FMN1: variants seen among roughly 807,000 people sequenced by gnomAD.
FMN1 encodes formin 1, also known as formin-1.
A neutral mutation model predicts 132.4 loss-of-function variants in FMN1; 110 were observed. The observed-to-expected ratio is 0.83, with a 90% confidence interval of 0.71 to 0.97. FMN1 has a LOEUF of 0.97. Among genes scored for constraint, FMN1 ranks in the 50% least tolerant of loss-of-function variants. The probability of loss-of-function intolerance (pLI) is 0.00; values close to 1 mark genes in which losing one functional copy is unlikely to be tolerated. For synonymous variants in FMN1, 722 were observed against 651.7 expected (o/e 1.11, Z -1.64); for missense variants, 1,792 against 1,705.3 (o/e 1.05, Z -0.90).
intron 3 of FMN1, among the ~76,000 whole-genome samples, chr15:33,167,371 C>T (rs1452677277): frequency 4.6e-5 from 7 of 152,186 alleles, no homozygotes; most frequent in Non-Finnish European, 8.8e-5. Context: ...ATTGTGAAGC[C>T]TCCCCAGCCG....
At chr15:32,991,150 T>A (rs181829312) in intron 7 of FMN1, among the ~76,000 whole-genome samples, 36 of 152,222 alleles carry the variant, frequency 2.4e-4, no homozygotes, top group African/African-American at 8.4e-4. Context: ...AATAAAGGCA[T>A]TTATAGCCCA....
At chr15:32,808,093 G>A (rs2057744296) in intron 17 of FMN1, among the ~76,000 whole-genome samples, 1 of 152,204 alleles carries the variant, frequency 6.6e-6, no homozygotes, top group Non-Finnish European at 1.5e-5. Context: ...CCAAGTATAA[G>A]AATCCCGGTG....
chr15:32,889,633 C>T (rs975118653), intron 15 of FMN1, among the ~76,000 whole-genome samples: 1 of 152,182 alleles, frequency 6.6e-6, no homozygotes, highest in Non-Finnish European at 1.5e-5. Flanking sequence ...TGCCTCCTTA[C>T]ACTTCCTTGT....
At chr15:32,790,706 C>T (rs1017399549) in intron 19 of FMN1, among the ~76,000 whole-genome samples, 33 of 152,204 alleles carry the variant, frequency 2.2e-4, no homozygotes, top group African/African-American at 7.5e-4. Flanking sequence ...TCAAAGCTCC[C>T]TGTAGCTTCC....
intron 4 of FMN1, among the ~76,000 whole-genome samples, chr15:33,126,225 T>TTA (rs1431670971): frequency 6.6e-6 from 1 of 152,048 alleles, no homozygotes; most frequent in East Asian, 1.9e-4. Context: ...GACAGAGAGT[T>TTA]TTCCTAGACT....
At chr15:33,054,436 A>G (rs1024534013) in intron 6 of FMN1, among the ~76,000 whole-genome samples, 2 of 152,132 alleles carry the variant, frequency 1.3e-5, no homozygotes, top group Admixed American at 6.5e-5. Context: ...TCATTTTTAC[A>G]TGGGTTTGGA....
At chr15:33,097,964 A>G (rs1413716344) in intron 4 of FMN1, among the ~76,000 whole-genome samples, 1 of 152,228 alleles carries the variant, frequency 6.6e-6, no homozygotes, top group Non-Finnish European at 1.5e-5. Context: ...TTTTGCAAGT[A>G]CATATGGAAT....
At chr15:33,096,497 A>G (rs1016987360) in intron 4 of FMN1, among the ~76,000 whole-genome samples, 20 of 152,146 alleles carry the variant, frequency 1.3e-4, no homozygotes, top group African/African-American at 4.8e-4. Flanking sequence ...TGTCTTAGGC[A>G]CCAGAGTTTT....
At chr15:33,186,123 G>T (rs1965876601) in intron 2 of FMN1, among the ~76,000 whole-genome samples, 1 of 150,972 alleles carries the variant, frequency 6.6e-6, no homozygotes, top group Non-Finnish European at 1.5e-5. Context: ...ATTGCAAAGA[G>T]TTCTGTGCCC....
intron 6 of FMN1, among the ~76,000 whole-genome samples, chr15:33,048,638 A>AAAAAAAAAACAAAAAAAAAAC (rs1555388912): frequency 1.4e-4 from 3 of 21,492 alleles, no homozygotes; most frequent in Non-Finnish European, 4.5e-4. Context: ...TACCAAAAAA[A>AAAAAAAAAACAAAAAAAAAAC]AAAAAAAAAA....
At chr15:33,001,381 C>G (rs1458351920) in intron 7 of FMN1, among the ~76,000 whole-genome samples, 1 of 152,166 alleles carries the variant, frequency 6.6e-6, no homozygotes, top group Non-Finnish European at 1.5e-5. Context: ...ATTTCTGGTA[C>G]ACATGTTTAT....
At chr15:32,782,304 T>C (rs1222706634) in intron 19 of FMN1, among the ~76,000 whole-genome samples, 2 of 152,232 alleles carry the variant, frequency 1.3e-5, no homozygotes, top group Non-Finnish European at 2.9e-5. Flanking sequence ...CATGCATTGA[T>C]AACTTTTGTT....
intron 4 of FMN1, among the ~76,000 whole-genome samples, chr15:33,119,264 C>T (rs995602611): frequency 6.6e-6 from 1 of 152,178 alleles, no homozygotes; most frequent in African/African-American, 2.4e-5. Context: ...TCTGGGGTTA[C>T]CGACCTCCTG....
In FMN1 at chr15:32,766,847, T is replaced by C. The variant is rs2056065525; in HGVS notation, c.*7463A>G. ...GTAGGAAAGAAATAGCCATGGAATA[T>C]GAAGGAAAAGGACGAGGAAACAGAA... On this transcript the variant is annotated 3_prime_UTR_variant, in exon 21 of 21. Transcript: ENST00000616417. The C allele has an allele frequency of 6.6e-6, 1 of 152,176 alleles. No homozygotes were observed. Among genetic ancestry groups the C allele is most frequent in the Non-Finnish European group, 1.5e-5 (1 of 68,138 alleles). 9.4% of individuals were successfully genotyped at this position (152,176 alleles called of 1,614,324 possible).
chr15:33,045,408 C>T (rs1470558575), intron 6 of FMN1, among the ~76,000 whole-genome samples: 1 of 152,242 alleles, frequency 6.6e-6, no homozygotes, highest in South Asian at 2.1e-4. Flanking sequence ...AAAAGCACCC[C>T]TGGCCACAGA....
intron 19 of FMN1, among the ~76,000 whole-genome samples, chr15:32,792,471 A>C (rs1032969646): frequency 5.4e-5 from 8 of 149,486 alleles, no homozygotes; most frequent in African/African-American, 1.0e-4. Context: ...AACAAACAAA[A>C]AAAACCCAAA....
chr15:33,065,227 G>C (rs2037668574), intron 5 of FMN1, among the ~76,000 whole-genome samples, 153 bp from the exon 6 acceptor site: 1 of 152,156 alleles, frequency 6.6e-6, no homozygotes, highest in Middle Eastern at 3.2e-3. Context: ...ACTATAGTGT[G>C]ACCCTTTTCC....
At chr15:33,141,467 C>A (rs1413515230) in intron 4 of FMN1, among the ~76,000 whole-genome samples, 1 of 152,146 alleles carries the variant, frequency 6.6e-6, no homozygotes, top group African/African-American at 2.4e-5. Flanking sequence ...CGGGTAGGAT[C>A]CCCTGGAAAA....
intron 4 of FMN1, among the ~76,000 whole-genome samples, chr15:33,098,311 A>G (rs1361278248): frequency 6.6e-6 from 1 of 152,242 alleles, no homozygotes; most frequent in Non-Finnish European, 1.5e-5. Flanking sequence ...GATGTCAGGC[A>G]TAACTGATGC....
Sources: allele counts gnomAD v4.1 joint callset (sites outside exome capture counted in the v4.1 genomes callset), GRCh38; gene constraint gnomAD v4.1.1; transcripts MANE v1.5; gene names NCBI Gene and HGNC (gene_info 2026-07-23, HGNC 2026-07-21).